The following TMEM163 variants were observed in gnomAD, a reference collection of about 807,000 sequenced individuals.
TMEM163 encodes transmembrane protein 163.
Under a neutral mutation model 29.3 loss-of-function variants are expected in TMEM163, and 17 were observed. The ratio of observed to expected loss-of-function variants is 0.58; its 90% CI spans 0.40 to 0.87. The LOEUF is 0.87. Among genes scored for constraint, TMEM163 ranks in the 40% least tolerant of loss-of-function variants. TMEM163 has a pLI of 0.00. For missense variants in TMEM163, 303 were observed against 381.5 expected (o/e 0.79, Z 1.71); for synonymous variants, 157 against 160.6 (o/e 0.98, Z 0.17).
intron 2 of TMEM163, among the ~76,000 whole-genome samples, chr2:134,612,177 C>T (rs1682518691): frequency 6.6e-6 from 1 of 152,180 alleles, no homozygotes; most frequent in Admixed American, 6.5e-5. Context: ...TTGCAAGATA[C>T]AAACTTTATT....
At chr2:134,494,374 T>G (rs1679499342) in intron 5 of TMEM163, among the ~76,000 whole-genome samples, 2 of 152,176 alleles carry the variant, frequency 1.3e-5, no homozygotes. Context: ...TAAAAACAAT[T>G]AATAAAACTC....
chr2:134,555,793 AT>A (rs1414255742), intron 2 of TMEM163, among the ~76,000 whole-genome samples: 2 of 152,200 alleles, frequency 1.3e-5, no homozygotes, highest in Non-Finnish European at 2.9e-5. Flanking sequence ...AAGATGTGTC[AT>A]TTGGGGCCAG....
intron 2 of TMEM163, among the ~76,000 whole-genome samples, chr2:134,625,996 T>C (rs937522843): frequency 2.0e-5 from 3 of 151,310 alleles, no homozygotes; most frequent in East Asian, 1.9e-4. Flanking sequence ...TAGTTTACAA[T>C]TGGACATCAG....
chr2:134,607,755 G>T (rs1268560372), intron 2 of TMEM163, among the ~76,000 whole-genome samples: 14 of 67,544 alleles, frequency 2.1e-4, no homozygotes, highest in Non-Finnish European at 2.7e-4. Context: ...CCCGAGAACT[G>T]TGCTGGTGAA....
At chr2:134,542,038 C>T (rs780512364) in intron 4 of TMEM163, among the ~76,000 whole-genome samples, 2 of 152,168 alleles carry the variant, frequency 1.3e-5, no homozygotes, top group African/African-American at 2.4e-5. Flanking sequence ...CATGACTATC[C>T]CTTGTTGCTA....
At chr2:134,534,241 G>A (rs943794616) in intron 4 of TMEM163, among the ~76,000 whole-genome samples, 1 of 151,100 alleles carries the variant, frequency 6.6e-6, no homozygotes, top group Non-Finnish European at 1.5e-5. Context: ...AAATGCAGCT[G>A]ATAGGACTCT....
At position 134,660,170 on chromosome 2, in the gene TMEM163, G is replaced by A. The variant is rs186938423; in HGVS notation, c.322+53030C>T. On this transcript the variant is annotated intron_variant, in intron 2 of 7. Transcript: ENST00000281924. ...TGGGGGGCAGACCATTCAGCACCCA[G>A]ATGCCATGGTGGAGAGTTTAGATTT... 7.9e-5 allele frequency among the ~76,000 whole-genome samples: 12 copies of A among 152,286 alleles called. No individual in the cohort carries two copies. The East Asian group carries it at 2.3e-3, about 29-fold the overall frequency.
At chr2:134,642,453 G>C (rs1315713816) in intron 2 of TMEM163, among the ~76,000 whole-genome samples, 3 of 152,034 alleles carry the variant, frequency 2.0e-5, no homozygotes, top group Non-Finnish European at 2.9e-5. Flanking sequence ...TACAGTTGGA[G>C]ACTTCAATAC....
intron 2 of TMEM163, among the ~76,000 whole-genome samples, chr2:134,694,840 A>G (rs577507268): frequency 2.0e-5 from 3 of 152,326 alleles, no homozygotes; most frequent in East Asian, 1.9e-4. Flanking sequence ...AAATACTACA[A>G]TGTCTCTAAG....
At chr2:134,606,612 G>C (rs891329206) in intron 2 of TMEM163, among the ~76,000 whole-genome samples, 3 of 152,198 alleles carry the variant, frequency 2.0e-5, no homozygotes, top group African/African-American at 4.8e-5. Context: ...GAAGACAGGG[G>C]CTGTGCCTCC....
intron 4 of TMEM163, among the ~76,000 whole-genome samples, chr2:134,530,443 T>G (rs1680394083): frequency 6.6e-6 from 1 of 152,138 alleles, no homozygotes; most frequent in Admixed American, 6.5e-5. Flanking sequence ...GCCCAGCTAA[T>G]TTATTTCATT....
At chr2:134,496,115 G>A (rs1229301139) in intron 5 of TMEM163, among the ~76,000 whole-genome samples, 1 of 150,798 alleles carries the variant, frequency 6.6e-6, no homozygotes, top group Non-Finnish European at 1.5e-5. Context: ...AGGCTGGAGT[G>A]CAGTGGCGCA....
At chr2:134,601,698 C>T (rs1682239281) in intron 2 of TMEM163, among the ~76,000 whole-genome samples, 1 of 152,292 alleles carries the variant, frequency 6.6e-6, no homozygotes, top group Non-Finnish European at 1.5e-5. Context: ...GACACAACAT[C>T]AGTACCATCA....
intron 2 of TMEM163, among the ~76,000 whole-genome samples, chr2:134,664,597 G>C (rs557109525): frequency 2.6e-5 from 4 of 152,138 alleles, no homozygotes; most frequent in Non-Finnish European, 5.9e-5. Flanking sequence ...ATAATCTCAG[G>C]GGTCTTTATG....
intron 2 of TMEM163, among the ~76,000 whole-genome samples, chr2:134,696,069 G>A (rs201353505): frequency 2.2e-4 from 21 of 95,912 alleles, no homozygotes; most frequent in African/African-American, 4.7e-4. Flanking sequence ...AAAAAAAAAA[G>A]GTTTAAATTC....
At chr2:134,574,982 G>A (rs939596262) in intron 2 of TMEM163, among the ~76,000 whole-genome samples, 4 of 149,432 alleles carry the variant, frequency 2.7e-5, no homozygotes. Context: ...GGCTGTAACT[G>A]TATGGTAGAG....
At chr2:134,492,606 A>G (rs1220272578) in intron 5 of TMEM163, among the ~76,000 whole-genome samples, 1 of 152,138 alleles carries the variant, frequency 6.6e-6, no homozygotes, top group African/African-American at 2.4e-5. Flanking sequence ...ATAGTATTAA[A>G]TACATACTCC....
intron 2 of TMEM163, among the ~76,000 whole-genome samples, chr2:134,576,619 C>T (rs1168129721): frequency 1.3e-5 from 2 of 152,136 alleles, no homozygotes; most frequent in East Asian, 1.9e-4. Flanking sequence ...AGAGGAGAGA[C>T]AGATAATGGC....
At chr2:134,466,088 A>G (rs1686663876) in intron 6 of TMEM163, 26 bp downstream of exon 6, 5 of 1,561,662 alleles carry the variant, frequency 3.2e-6, no homozygotes, top group Non-Finnish European at 4.4e-6. Context: ...CAGCCCCCAG[A>G]GATTAGGCAC....
Sources: gnomAD v4.1 joint callset for allele counts (sites outside exome capture counted in the v4.1 genomes callset) on GRCh38, gnomAD v4.1.1 for gene constraint, MANE v1.5 for transcripts, NCBI Gene and HGNC (gene_info 2026-07-23, HGNC 2026-07-21) for gene names.